Variants in APP observed in about 807,000 individuals in gnomAD.
The protein encoded by APP is amyloid-beta precursor protein.
Under a neutral mutation model 101.4 loss-of-function variants are expected in APP, and 31 were observed. The observed-to-expected ratio is 0.31, with a 90% CI of 0.23 to 0.41. The LOEUF is 0.41. Among genes scored for constraint, APP ranks in the 10% least tolerant of loss-of-function variants. APP has a pLI of 1.00. For synonymous variants in APP, 366 were observed against 364.4 expected (o/e 1.00, Z -0.05); for missense variants, 839 against 1,003.7 (o/e 0.84, Z 2.22).
intron 1 of APP, among the ~76,000 whole-genome samples, chr21:26,117,721 A>G (rs892549038): frequency 5.3e-5 from 8 of 152,202 alleles, no homozygotes; most frequent in Admixed American, 4.6e-4. Flanking sequence ...TAGAGAAGCT[A>G]TTAAAAAAGA....
At chr21:25,931,125 T>C (rs115557068) in intron 13 of APP, among the ~76,000 whole-genome samples, 4,026 of 152,280 alleles carry the variant, frequency 0.026, 173 homozygotes, top group African/African-American at 0.092. Context: ...GAAGGGCTCA[T>C]GGTTCAGAAG....
At chr21:25,988,894 C>T (rs940388402) in intron 8 of APP, among the ~76,000 whole-genome samples, 10 of 151,958 alleles carry the variant, frequency 6.6e-5, no homozygotes, top group African/African-American at 1.5e-4. Flanking sequence ...TTCACATGTG[C>T]GTGAGGGCTC....
chr21:26,045,319 T>C (rs2045562258), intron 5 of APP, among the ~76,000 whole-genome samples: 2 of 152,140 alleles, frequency 1.3e-5, no homozygotes, highest in Non-Finnish European at 2.9e-5. Flanking sequence ...CTAATAGAGA[T>C]GTATTTGAAA....
chr21:25,963,916 G>A (rs913953635), intron 11 of APP, among the ~76,000 whole-genome samples: 5 of 152,272 alleles, frequency 3.3e-5, no homozygotes, highest in Admixed American at 3.3e-4. Flanking sequence ...GTATAAAAGG[G>A]CAAATGATAA....
intron 3 of APP, among the ~76,000 whole-genome samples, chr21:26,068,773 AAGTAAGGCT>A (rs1275201930): frequency 2.3e-5 from 3 of 131,234 alleles, no homozygotes; most frequent in African/African-American, 1.1e-4. Context: ...TCTGATTATA[AAGTAAGGCT>A]CTGTCTTCTA....
At chr21:26,170,175 G>A (rs1052745965) in intron 1 of APP, among the ~76,000 whole-genome samples, 1 of 152,170 alleles carries the variant, frequency 6.6e-6, no homozygotes, top group Non-Finnish European at 1.5e-5. Context: ...CTTTAGGGAC[G>A]CTGCGTTTTC....
At chr21:26,124,705 G>GA (rs2062645600) in intron 1 of APP, among the ~76,000 whole-genome samples, 1 of 152,178 alleles carries the variant, frequency 6.6e-6, no homozygotes, top group Non-Finnish European at 1.5e-5. Context: ...GATAGAAACG[G>GA]ATTGTTGATG....
chr21:26,109,709 G>C (rs191771211), intron 2 of APP, among the ~76,000 whole-genome samples: 1 of 62,462 alleles, frequency 1.6e-5, no homozygotes, highest in African/African-American at 6.7e-5. Flanking sequence ...GGTGTTCCTG[G>C]GGTCAAGAAG....
Position 26,126,448 on chromosome 21 carries a change from G to C in APP, c.58-14302C>G, listed in dbSNP as rs566614849. Among the ~76,000 whole-genome samples, 14 of 152,254 alleles carry C rather than the reference G, an allele frequency of 9.2e-5. No individual in the cohort carries two copies. The South Asian group carries it at 1.5e-3, about 16-fold the overall frequency. ...GTGTACGGCCAATCTCCAGTCAAGAGCTCCTTTACCCTGACACTAGTCTCA... is the reference window on the plus strand; with the variant it reads ...GTGTACGGCCAATCTCCAGTCAAGACCTCCTTTACCCTGACACTAGTCTCA... On this transcript the variant is annotated intron_variant, in intron 1 of 17. Coordinates refer to ENST00000346798, the MANE Select transcript of APP (RefSeq NM_000484.4).
chr21:25,965,628 C>T (rs899687252), intron 11 of APP, among the ~76,000 whole-genome samples: 3 of 152,248 alleles, frequency 2.0e-5, no homozygotes, highest in East Asian at 3.9e-4. Context: ...AAACTGGTAT[C>T]CATGGTCAAC....
intron 11 of APP, 110 bp from the exon 12 acceptor site, chr21:25,955,865 G>T (rs1359571330): frequency 6.8e-7 from 1 of 1,479,538 alleles, no homozygotes; most frequent in Non-Finnish European, 9.4e-7. Flanking sequence ...TGAACGTACT[G>T]TGAGTCACCT....
chr21:25,887,119 G>A (rs1197808217), intron 17 of APP, among the ~76,000 whole-genome samples: 1 of 152,134 alleles, frequency 6.6e-6, no homozygotes, highest in Non-Finnish European at 1.5e-5. Flanking sequence ...GAGAAGCTGT[G>A]CCCCCAACTT....
chr21:25,909,217 C>T (rs932253390), intron 14 of APP, among the ~76,000 whole-genome samples: 7 of 147,528 alleles, frequency 4.7e-5, no homozygotes, highest in Admixed American at 1.4e-4. Flanking sequence ...GAGCTGAGAT[C>T]GCGCCACTGC....
chr21:26,162,512 G>C (rs1000111460), intron 1 of APP, among the ~76,000 whole-genome samples: 6 of 151,944 alleles, frequency 3.9e-5, no homozygotes, highest in African/African-American at 1.5e-4. Flanking sequence ...ACACAGACAA[G>C]GAAAAACTAA....
chr21:26,014,525 G>C (rs576816972), intron 6 of APP, among the ~76,000 whole-genome samples: 3 of 152,210 alleles, frequency 2.0e-5, no homozygotes, highest in Admixed American at 2.0e-4. Context: ...GAAAACTTTT[G>C]TTCCGGGCTG....
chr21:26,085,998 C>G (rs776854876), intron 3 of APP, among the ~76,000 whole-genome samples: 1 of 152,100 alleles, frequency 6.6e-6, no homozygotes, highest in South Asian at 2.1e-4. Context: ...CTGACTTTGC[C>G]CCAATAATTC....
chr21:26,076,039 G>A (rs529375280), intron 3 of APP, among the ~76,000 whole-genome samples: 3 of 151,940 alleles, frequency 2.0e-5, no homozygotes, highest in African/African-American at 4.8e-5. Context: ...GATTACAGGC[G>A]CCCATCACCA....
intron 11 of APP, among the ~76,000 whole-genome samples, chr21:25,956,566 T>G (rs1012000081): frequency 6.6e-6 from 1 of 152,308 alleles, no homozygotes; most frequent in East Asian, 1.9e-4. Flanking sequence ...ACATTTCTTC[T>G]TCATTAAAAC....
intron 13 of APP, among the ~76,000 whole-genome samples, chr21:25,924,767 TTAAAG>T (rs2039810185): frequency 6.6e-6 from 1 of 150,458 alleles, no homozygotes. Context: ...ATCCCAGAAC[TTAAAG>T]TAAACAAAGA....
Sources: allele counts gnomAD v4.1 joint callset (sites outside exome capture counted in the v4.1 genomes callset), GRCh38; gene constraint gnomAD v4.1.1; transcripts MANE v1.5; gene names NCBI Gene and HGNC (gene_info 2026-07-23, HGNC 2026-07-21).